Variants in HECW2 observed in about 807,000 individuals in gnomAD.
HECW2 encodes E3 ubiquitin-protein ligase HECW2.
Under a neutral mutation model 175.2 loss-of-function variants are expected in HECW2, and 61 were observed. The ratio of observed to expected loss-of-function variants is 0.35; its 90% CI spans 0.28 to 0.43. HECW2 has a LOEUF of 0.43. Ranked by LOEUF, HECW2 falls within the 20% of genes least tolerant of loss-of-function variation. The pLI is 1.00. For missense variants in HECW2, 1,524 were observed against 2,000.5 expected, an observed-to-expected ratio of 0.76 and a Z score of 4.54; for synonymous variants, 671 against 731.0, an observed-to-expected ratio of 0.92 and a Z score of 1.32.
At chr2:196,316,512 T>C (rs189349663) in intron 10 of HECW2, 2 of 152,216 alleles carry the variant, frequency 1.3e-5, no homozygotes, top group Admixed American at 1.3e-4. Flanking sequence ...TTTAAAGCAA[T>C]GTTTACCAGG....
At chr2:196,423,691 T>TGTGTGTGTGC (rs1695466541) in intron 2 of HECW2, among the ~76,000 whole-genome samples, 1 of 149,432 alleles carries the variant, frequency 6.7e-6, no homozygotes, top group Non-Finnish European at 1.5e-5. Context: ...CCATTGTGTG[T>TGTGTGTGTGC]GTGTGTGTGT....
chr2:196,321,079 G>C (rs550688805), intron 7 of HECW2, among the ~76,000 whole-genome samples: 2 of 152,242 alleles, frequency 1.3e-5, no homozygotes, highest in Non-Finnish European at 2.9e-5. Flanking sequence ...AGAGTAAGGA[G>C]GCTGGAGCTG....
At chr2:196,290,052 C>A (rs1298951869) in intron 14 of HECW2, 1 of 152,192 alleles carries the variant, frequency 6.6e-6, no homozygotes, top group African/African-American at 2.4e-5. Flanking sequence ...GCCTGTTAAT[C>A]TGTCTTGTCC....
In HECW2 at chr2:196,407,449, A is replaced by G. The variant is rs543607171; in HGVS notation, c.292+25683T>C. ...ACTCCTGAACTTACACGATCTGCCC[A>G]CCTCAGCCTCCCAACGGGCTGGGAT... On this transcript the variant is annotated intron_variant, in intron 2 of 28. Coordinates refer to ENST00000644978, the MANE Select transcript of HECW2 (RefSeq NM_001348768.2). Among the ~76,000 whole-genome samples the G allele has an allele frequency of 2.6e-5, 4 of 152,196 alleles. No homozygotes were observed. The South Asian group carries it at 6.2e-4, about 24-fold the overall frequency.
At chr2:196,499,326 TA>T (rs1271242581) in intron 1 of HECW2, among the ~76,000 whole-genome samples, 1 of 152,004 alleles carries the variant, frequency 6.6e-6, no homozygotes, top group Admixed American at 6.6e-5. Context: ...AAAAAAAGCT[TA>T]AATACATTCT....
chr2:196,256,254 C>A (rs574979460), intron 18 of HECW2, among the ~76,000 whole-genome samples: 178 of 152,200 alleles, frequency 1.2e-3, no homozygotes, highest in African/African-American at 3.9e-3. Flanking sequence ...CATTTGTATA[C>A]AATAATTATA....
intron 26 of HECW2, among the ~76,000 whole-genome samples, chr2:196,219,645 T>G (rs147402070): frequency 3.9e-5 from 6 of 152,240 alleles, no homozygotes; most frequent in Non-Finnish European, 8.8e-5. Context: ...GTGGAAAAAC[T>G]GTGCTGATTG....
intron 10 of HECW2, among the ~76,000 whole-genome samples, chr2:196,309,221 C>T (rs1264575751): frequency 6.6e-6 from 1 of 152,172 alleles, no homozygotes. Flanking sequence ...TCAGCCTGCA[C>T]CAGACCATTG....
At chr2:196,427,968 C>T (rs1437178792) in intron 2 of HECW2, among the ~76,000 whole-genome samples, 2 of 152,212 alleles carry the variant, frequency 1.3e-5, no homozygotes, top group African/African-American at 2.4e-5. Context: ...TTCTGATTCA[C>T]ATGCATATGT....
chr2:196,352,713 G>A (rs905532263), intron 2 of HECW2, among the ~76,000 whole-genome samples: 21 of 152,078 alleles, frequency 1.4e-4, no homozygotes, highest in Non-Finnish European at 5.9e-5. Context: ...ACTAGGCAAA[G>A]GGAGGAGGCT....
intron 1 of HECW2, among the ~76,000 whole-genome samples, chr2:196,489,287 A>AAG (rs930945079): frequency 3.1e-4 from 47 of 152,166 alleles, no homozygotes; most frequent in African/African-American, 9.7e-4. Flanking sequence ...CAAGGACTGA[A>AAG]AGAGAGAGAG....
chr2:196,209,201 C>T (rs1211777900), intron 28 of HECW2, among the ~76,000 whole-genome samples: 1 of 152,200 alleles, frequency 6.6e-6, no homozygotes, highest in East Asian at 1.9e-4. Context: ...CTTGGACTAT[C>T]CTGTCCTCTG....
chr2:196,254,710 G>A (rs1575302304), intron 18 of HECW2, among the ~76,000 whole-genome samples: 1 of 152,184 alleles, frequency 6.6e-6, no homozygotes, highest in Non-Finnish European at 1.5e-5. Flanking sequence ...CAATAAGACT[G>A]TAGAAACTGC....
intron 1 of HECW2, among the ~76,000 whole-genome samples, chr2:196,529,217 G>A (rs1334346254): frequency 1.3e-5 from 2 of 152,140 alleles, no homozygotes; most frequent in Non-Finnish European, 2.9e-5. Flanking sequence ...CCCATGTGCT[G>A]CTAGCTGTGA....
intron 1 of HECW2, among the ~76,000 whole-genome samples, chr2:196,508,453 C>T (rs1224885616): frequency 2.0e-5 from 3 of 152,300 alleles, no homozygotes; most frequent in East Asian, 1.9e-4. Flanking sequence ...ACTGGATGCT[C>T]GCTGAAGCTG....
intron 1 of HECW2, among the ~76,000 whole-genome samples, chr2:196,520,386 C>A (rs1046373977): frequency 6.6e-6 from 1 of 152,132 alleles, no homozygotes; most frequent in African/African-American, 2.4e-5. Flanking sequence ...GTCTACCCAA[C>A]CCTACGTAGT....
At chr2:196,509,698 G>C (rs948004356) in intron 1 of HECW2, among the ~76,000 whole-genome samples, 6 of 152,150 alleles carry the variant, frequency 3.9e-5, no homozygotes, top group Non-Finnish European at 8.8e-5. Flanking sequence ...TAAATAAAAA[G>C]GACATACAAC....
At chr2:196,508,667 T>C (rs1687847945) in intron 1 of HECW2, among the ~76,000 whole-genome samples, 1 of 152,136 alleles carries the variant, frequency 6.6e-6, no homozygotes, top group African/African-American at 2.4e-5. Context: ...CTCCCCAACC[T>C]TCCTCCACTC....
In HECW2 at chr2:196,428,291, A is replaced by G. The variant is rs553263588; in HGVS notation, c.292+4841T>C. Among the ~76,000 whole-genome samples, 89 of 152,328 alleles carry G rather than the reference A, an allele frequency of 5.8e-4. 4 individuals are homozygous for G. The South Asian group carries it at 0.016, about 28-fold the overall frequency. On this transcript the variant is annotated intron_variant, in intron 2 of 28. Coordinates refer to ENST00000644978, the MANE Select transcript of HECW2 (RefSeq NM_001348768.2). Reference sequence around the variant, plus strand: ...TGAAGGGGAGAGGCTGCTTCCTACCAAAAGGTATAGAAATCTGAAGCTATT... The same window carrying G: ...TGAAGGGGAGAGGCTGCTTCCTACCGAAAGGTATAGAAATCTGAAGCTATT...
Sources: gnomAD v4.1 joint callset for allele counts (sites outside exome capture counted in the v4.1 genomes callset) on GRCh38, gnomAD v4.1.1 for gene constraint, MANE v1.5 for transcripts, NCBI Gene and HGNC (gene_info 2026-07-23, HGNC 2026-07-21) for gene names.